Variants in MYO18B observed in about 807,000 individuals in gnomAD.
MYO18B encodes the protein unconventional myosin-XVIIIb.
MYO18B carries 204 observed loss-of-function variants against 273.0 expected under a neutral mutation model. The observed-to-expected ratio is 0.75, with a 90% CI of 0.67 to 0.84. The LOEUF (loss-of-function observed/expected upper bound fraction) is 0.84, where lower values mean the gene tolerates loss of function less well. Among genes scored for constraint, MYO18B ranks in the 40% least tolerant of loss-of-function variants. The pLI is 0.00. For missense variants in MYO18B, 3,212 were observed against 3,287.6 expected (o/e 0.98, Z 0.56); for synonymous variants, 1,330 against 1,305.7 (o/e 1.02, Z -0.40).
At chr22:25,912,679 T>G (rs931514654) in intron 33 of MYO18B, among the ~76,000 whole-genome samples, 4 of 152,218 alleles carry the variant, frequency 2.6e-5, no homozygotes, top group African/African-American at 9.6e-5. Context: ...ATTTTGCCAT[T>G]TCTTATTCAG....
intron 31 of MYO18B, among the ~76,000 whole-genome samples, chr22:25,907,001 A>G (rs1601539914): frequency 1.3e-5 from 2 of 152,218 alleles, no homozygotes; most frequent in East Asian, 3.8e-4. Context: ...CATCTACGCT[A>G]TTGAGTTCCA....
At chr22:25,890,899 G>A in intron 26 of MYO18B, 24 bp downstream of exon 26, 1 of 1,576,272 alleles carries the variant, frequency 6.3e-7, no homozygotes, top group Non-Finnish European at 8.7e-7. Flanking sequence ...GGTGGCCAGG[G>A]GTGGCTGAAC....
chr22:25,761,874 A>T (rs532776645), intron 2 of MYO18B, among the ~76,000 whole-genome samples: 3 of 152,256 alleles, frequency 2.0e-5, no homozygotes, highest in African/African-American at 7.2e-5. Context: ...CTGTAATCCC[A>T]GTACTTTGGG....
intron 12 of MYO18B, among the ~76,000 whole-genome samples, chr22:25,814,710 A>C (rs995966050): frequency 1.3e-5 from 2 of 152,158 alleles, no homozygotes; most frequent in South Asian, 4.1e-4. Context: ...ATTCAGAGAC[A>C]AAGCATAACA....
At chr22:25,975,603 C>G (rs926745894) in intron 39 of MYO18B, among the ~76,000 whole-genome samples, 2 of 152,196 alleles carry the variant, frequency 1.3e-5, no homozygotes, top group African/African-American at 4.8e-5. Context: ...GTGATTTGCC[C>G]AAGGCCAGAT....
At chr22:25,744,536 C>T (rs2085719231) in intron 1 of MYO18B, among the ~76,000 whole-genome samples, 1 of 152,102 alleles carries the variant, frequency 6.6e-6, no homozygotes, top group Non-Finnish European at 1.5e-5. Context: ...TCGAGACCAT[C>T]CTGGCTAACA....
At chr22:26,035,140 T>C (rs1936754725), downstream of MYO18B, among the ~76,000 whole-genome samples, 1 of 152,136 alleles carries the variant, frequency 6.6e-6, no homozygotes, top group Non-Finnish European at 1.5e-5. Context: ...GTTGCTCATA[T>C]CGCAGACCAT....
At chr22:26,031,731 G>C (rs117868626), downstream of MYO18B, among the ~76,000 whole-genome samples, 435 of 152,300 alleles carry the variant, frequency 2.9e-3, 3 homozygotes, top group Non-Finnish European at 4.0e-3. Context: ...GGGTAGAAGT[G>C]AGGCAAGGGA....
intron 19 of MYO18B, 114 bp from the exon 20 acceptor site, chr22:25,847,316 C>T: frequency 1.2e-6 from 1 of 832,148 alleles, no homozygotes; most frequent in Non-Finnish European, 1.9e-6. Context: ...TGGTGTGGGA[C>T]ATAGGGGCCC....
chr22:25,877,591 C>T (rs754480352), intron 24 of MYO18B, among the ~76,000 whole-genome samples: 2 of 152,158 alleles, frequency 1.3e-5, no homozygotes, highest in Non-Finnish European at 2.9e-5. Flanking sequence ...CCTCAAGCCT[C>T]CCAAGTAGCT....
At chr22:25,798,975 A>G (rs1442317713) in intron 12 of MYO18B, among the ~76,000 whole-genome samples, 1 of 151,618 alleles carries the variant, frequency 6.6e-6, no homozygotes, top group East Asian at 1.9e-4. Flanking sequence ...GATTTTCCCC[A>G]TTTTGACCTG....
the MYO18B span, among the ~76,000 whole-genome samples, chr22:26,036,580 G>C: frequency 6.6e-6 from 1 of 152,126 alleles, no homozygotes; most frequent in Admixed American, 6.5e-5. Flanking sequence ...CAGGCCTACA[G>C]CTTGTAGGAT....
chr22:25,826,290 G>T, intron 13 of MYO18B, 119 bp from the exon 14 acceptor site: 1 of 680,656 alleles, frequency 1.5e-6, no homozygotes, highest in Non-Finnish European at 2.5e-6. Context: ...TAGCAGTGGA[G>T]GGATGTGGCA....
At chr22:25,950,478 G>T (rs1281702221) in intron 37 of MYO18B, 28 bp downstream of exon 37, 1 of 1,553,496 alleles carries the variant, frequency 6.4e-7, no homozygotes, top group African/African-American at 1.4e-5. Context: ...TCCTATAGTT[G>T]TATTAGTCAG....
At chr22:25,914,668 A>G (rs2092226529) in intron 33 of MYO18B, among the ~76,000 whole-genome samples, 1 of 145,828 alleles carries the variant, frequency 6.9e-6, no homozygotes, top group Admixed American at 6.8e-5. Flanking sequence ...TCATTTGAAA[A>G]TAAGAATAGT....
intron 40 of MYO18B, among the ~76,000 whole-genome samples, chr22:25,997,966 C>CAA (rs1418242340): frequency 3.8e-3 from 459 of 122,388 alleles, no homozygotes; most frequent in African/African-American, 0.012. Flanking sequence ...CAAACACACA[C>CAA]ACACACACAC....
the MYO18B span, among the ~76,000 whole-genome samples, chr22:26,047,000 C>T: frequency 2.6e-5 from 4 of 152,250 alleles, no homozygotes; most frequent in African/African-American, 9.6e-5. Context: ...TAGGCTTCCT[C>T]CAACCGTGGT....
chr22:25,925,421 G>T (rs903275235), intron 34 of MYO18B, among the ~76,000 whole-genome samples: 1 of 152,154 alleles, frequency 6.6e-6, no homozygotes, highest in African/African-American at 2.4e-5. Context: ...TAGTGTGACA[G>T]ATCTTATTTC....
At chr22:25,908,763 C>G (rs1183355548) in intron 32 of MYO18B, among the ~76,000 whole-genome samples, 1 of 152,172 alleles carries the variant, frequency 6.6e-6, no homozygotes, top group Non-Finnish European at 1.5e-5. Flanking sequence ...ATTTTCTTTA[C>G]AAGTCAAATC....
Sources: allele counts gnomAD v4.1 joint callset (sites outside exome capture counted in the v4.1 genomes callset), GRCh38; gene constraint gnomAD v4.1.1; transcripts MANE v1.5; gene names NCBI Gene and HGNC (gene_info 2026-07-23, HGNC 2026-07-21).